FRMD4A: variants seen among roughly 807,000 people sequenced by gnomAD.
FRMD4A encodes FERM domain-containing protein 4A.
FRMD4A carries 29 observed loss-of-function variants against 129.1 expected under a neutral mutation model. That is an observed-to-expected ratio of 0.22 (90% CI 0.17 to 0.31). The LOEUF (loss-of-function observed/expected upper bound fraction) is 0.31. Among genes scored for constraint, FRMD4A ranks in the 10% least tolerant of loss-of-function variants. The pLI, the probability that FRMD4A is intolerant of heterozygous loss-of-function variation, is 1.00. For synonymous variants in FRMD4A, 634 were observed against 571.6 expected (o/e 1.11, Z -1.56); for missense variants, 1,272 against 1,375.8 (o/e 0.92, Z 1.19).
intron 2 of FRMD4A, among the ~76,000 whole-genome samples, chr10:14,156,380 C>T (rs369714472): frequency 4.4e-4 from 67 of 152,290 alleles, no homozygotes; most frequent in African/African-American, 1.6e-3. Context: ...CACACTAAAA[C>T]TATTGAGTGA....
chr10:14,214,815 AT>A (rs1329461362), intron 2 of FRMD4A, among the ~76,000 whole-genome samples: 1 of 152,224 alleles, frequency 6.6e-6, no homozygotes, highest in Non-Finnish European at 1.5e-5. Context: ...GCCAACTGTG[AT>A]TTTTAAAAAC....
chr10:14,314,654 A>G (rs1349078935), intron 2 of FRMD4A, among the ~76,000 whole-genome samples: 1 of 152,150 alleles, frequency 6.6e-6, no homozygotes, highest in East Asian at 1.9e-4. Flanking sequence ...CACTGTCAAC[A>G]TCTACACCCA....
At chr10:13,881,124 G>GA (rs888977968) in intron 2 of FRMD4A, among the ~76,000 whole-genome samples, 46 of 151,658 alleles carry the variant, frequency 3.0e-4, no homozygotes, top group African/African-American at 1.0e-3. Flanking sequence ...TTTTTTATAC[G>GA]AAAAAAAGGA....
intron 2 of FRMD4A, among the ~76,000 whole-genome samples, chr10:14,185,647 G>A (rs952539792): frequency 2.6e-5 from 4 of 152,190 alleles, no homozygotes; most frequent in Non-Finnish European, 5.9e-5. Context: ...AGAGCTGCAG[G>A]GGCGGTTGTT....
At chr10:14,211,276 C>A (rs1842927567) in intron 2 of FRMD4A, among the ~76,000 whole-genome samples, 2 of 152,300 alleles carry the variant, frequency 1.3e-5, no homozygotes, top group Non-Finnish European at 2.9e-5. Context: ...GTGGCAGGTA[C>A]TGTCATAATC....
chr10:13,872,557 T>C (rs533609498), intron 2 of FRMD4A, among the ~76,000 whole-genome samples: 1 of 152,356 alleles, frequency 6.6e-6, no homozygotes, highest in Non-Finnish European at 1.5e-5. Flanking sequence ...GTAATTCTTA[T>C]TCACAGCACA....
intron 2 of FRMD4A, among the ~76,000 whole-genome samples, chr10:14,238,822 C>T (rs145703784): frequency 7.2e-5 from 11 of 152,236 alleles, no homozygotes; most frequent in East Asian, 3.9e-4. Flanking sequence ...CTGAGAATGA[C>T]GGCTTCCAAC....
At chr10:13,921,096 C>T (rs2095065557) in intron 2 of FRMD4A, among the ~76,000 whole-genome samples, 1 of 152,146 alleles carries the variant, frequency 6.6e-6, no homozygotes, top group African/African-American at 2.4e-5. Flanking sequence ...GCACGAGCAC[C>T]ATTGGATTTT....
Position 13,670,511 on chromosome 10 carries a change from C to T in FRMD4A, c.1269G>A (p.Leu423=). 3 of 1,613,232 alleles carry T rather than the reference C, an allele frequency of 1.9e-6. No homozygotes were observed. Among genetic ancestry groups the T allele is most frequent in the Non-Finnish European group, 1.7e-6 (2 of 1,179,452 alleles). ...CLREAELTGK[L]PVEYPLDPGE... is the part of the protein sequence containing the mutation. ...CTGGATCCAGGGGATATTCTACTGG[C>T]AGCTTGCCCGTGAGCTCCTGCATAT... Residue 423 remains leucine, a synonymous_variant, in exon 17 of 25, where the codon CTG becomes CTA. Transcript: ENST00000357447.
chr10:13,918,841 A>G (rs112332049), intron 2 of FRMD4A, among the ~76,000 whole-genome samples: 8 of 152,022 alleles, frequency 5.3e-5, no homozygotes, highest in African/African-American at 1.9e-4. Flanking sequence ...CAATACTGTT[A>G]TAAAACAAAG....
intron 5 of FRMD4A, among the ~76,000 whole-genome samples, chr10:13,789,694 GC>G (rs747783886): frequency 2.7e-5 from 4 of 150,812 alleles, no homozygotes; most frequent in Non-Finnish European, 4.4e-5. Context: ...TTGTTCCCAA[GC>G]CTTATAGCAC....
intron 2 of FRMD4A, among the ~76,000 whole-genome samples, chr10:14,303,331 G>A (rs950351568): frequency 2.6e-5 from 4 of 152,172 alleles, no homozygotes; most frequent in Non-Finnish European, 4.4e-5. Flanking sequence ...TCAATGGGTC[G>A]GGGTGAGACC....
chr10:13,913,260 G>A (rs963633337), intron 2 of FRMD4A, among the ~76,000 whole-genome samples: 2 of 152,086 alleles, frequency 1.3e-5, no homozygotes, highest in African/African-American at 4.8e-5. Flanking sequence ...AAGTAAATCA[G>A]TATTTTCCTA....
chr10:14,062,558 G>A (rs1275582067), intron 2 of FRMD4A, among the ~76,000 whole-genome samples: 3 of 152,228 alleles, frequency 2.0e-5, no homozygotes, highest in Admixed American at 1.3e-4. Context: ...TAACCAACGA[G>A]CTTCAAGTAT....
intron 2 of FRMD4A, among the ~76,000 whole-genome samples, chr10:14,064,153 C>T (rs1329795635): frequency 6.6e-6 from 1 of 152,150 alleles, no homozygotes. Context: ...AGCTACAGCC[C>T]AACAGTGGCC....
At chr10:13,903,848 A>G (rs530253754) in intron 2 of FRMD4A, among the ~76,000 whole-genome samples, 2 of 152,128 alleles carry the variant, frequency 1.3e-5, no homozygotes, top group African/African-American at 4.8e-5. Context: ...ATGCCACTAC[A>G]CTCCAGCCTG....
At chr10:13,677,847 A>G (rs2084133252) in intron 15 of FRMD4A, among the ~76,000 whole-genome samples, 1 of 152,252 alleles carries the variant, frequency 6.6e-6, no homozygotes, top group African/African-American at 2.4e-5. Context: ...TACTGGAAGG[A>G]AGTCAGACTT....
At chr10:13,684,326 G>T (rs1452872747) in intron 15 of FRMD4A, 1 of 985,104 alleles carries the variant, frequency 1.0e-6, no homozygotes, top group South Asian at 4.7e-5. Context: ...CTCACGCCAA[G>T]TCAGAAAGTC....
At chr10:13,828,500 G>GTATA (rs1360685873) in intron 3 of FRMD4A, among the ~76,000 whole-genome samples, 1 of 150,042 alleles carries the variant, frequency 6.7e-6, no homozygotes, top group Non-Finnish European at 1.5e-5. Context: ...CTATTCCATT[G>GTATA]TATATGTATA....
Sources: gnomAD v4.1 joint callset for allele counts (sites outside exome capture counted in the v4.1 genomes callset) on GRCh38, gnomAD v4.1.1 for gene constraint, MANE v1.5 for transcripts, NCBI Gene and HGNC (gene_info 2026-07-23, HGNC 2026-07-21) for gene names.